Variants in STARD13 observed in about 807,000 individuals in gnomAD.
STARD13 encodes StAR related lipid transfer domain containing 13, also known as stAR-related lipid transfer protein 13.
STARD13 carries 62 observed loss-of-function variants against 106.4 expected under a neutral mutation model. The observed-to-expected ratio is 0.58, with a 90% CI of 0.48 to 0.72. The LOEUF (loss-of-function observed/expected upper bound fraction) is 0.72, where lower values mean the gene tolerates loss of function less well. STARD13 is among the 30% of genes least tolerant of loss of function. The pLI is 0.00. For synonymous variants in STARD13, 565 were observed against 553.0 expected, an observed-to-expected ratio of 1.02 and a Z score of -0.31; for missense variants, 1,387 against 1,424.0, an observed-to-expected ratio of 0.97 and a Z score of 0.42.
At chr13:33,411,222 C>T in the STARD13 span, among the ~76,000 whole-genome samples, 1 of 152,134 alleles carries the variant, frequency 6.6e-6, no homozygotes, top group Non-Finnish European at 1.5e-5. Flanking sequence ...GCAGAGTAAG[C>T]TCCTGTCAGG....
At chr13:33,278,923 G>A (rs1379712044) in intron 1 of STARD13, among the ~76,000 whole-genome samples, 1 of 151,956 alleles carries the variant, frequency 6.6e-6, no homozygotes, top group African/African-American at 2.4e-5. Flanking sequence ...AATCCTCTAG[G>A]TAATGAGGTG....
At position 33,110,862 on chromosome 13, in the gene STARD13, C is replaced by T. The variant is rs1287266491; in HGVS notation, c.2653G>A (p.Ala885Thr). Residue 885 changes from alanine to threonine, a missense_variant, in exon 11 of 14, where the codon GCT becomes ACT. Physicochemically the swap from Ala to Thr is moderately conservative, Grantham distance 58. Transcript: ENST00000336934. ...TCCAGGGTTGGCACGTGGATCTCAG[C>T]CTCCACATACGAGTTACGAGACTGG... ...VAQSRNSYVEAEIHVPTLEEL... is the reference protein window; with the variant it reads ...VAQSRNSYVETEIHVPTLEEL... 6.2e-7 allele frequency: 1 copy of T among 1,613,744 alleles called. No homozygotes were observed. The highest frequency in any genetic ancestry group is 8.5e-7 in the Non-Finnish European group (1 of 1,180,040).
At chr13:33,371,013 A>C in the STARD13 span, among the ~76,000 whole-genome samples, 1 of 152,180 alleles carries the variant, frequency 6.6e-6, no homozygotes, top group African/African-American at 2.4e-5. Flanking sequence ...AGATCAATTC[A>C]CTTCATCTCT....
At chr13:33,368,034 CCTCTTT>C in the STARD13 span, among the ~76,000 whole-genome samples, 9 of 152,014 alleles carry the variant, frequency 5.9e-5, no homozygotes, top group Admixed American at 1.3e-4. Flanking sequence ...GGGTTTCCTT[CCTCTTT>C]CTCTTTCTTA....
At chr13:33,559,120 C>T in the STARD13 span, among the ~76,000 whole-genome samples, 13 of 151,744 alleles carry the variant, frequency 8.6e-5, no homozygotes, top group South Asian at 8.3e-4. Context: ...AAAGACTGTT[C>T]GGTTTCTTCC....
At chr13:33,651,795 CT>C in the STARD13 span, among the ~76,000 whole-genome samples, 1 of 152,216 alleles carries the variant, frequency 6.6e-6, no homozygotes, top group African/African-American at 2.4e-5. Context: ...CTCTAGGAGT[CT>C]GAAGCACTCT....
intron 1 of STARD13, among the ~76,000 whole-genome samples, chr13:33,206,965 G>A (rs1887452818): frequency 6.6e-6 from 1 of 152,162 alleles, no homozygotes; most frequent in Admixed American, 6.5e-5. Context: ...AGTATGCTCT[G>A]GAGACCTCAC....
At chr13:33,163,661 AT>A (rs1882961690) in intron 3 of STARD13, among the ~76,000 whole-genome samples, 1 of 103,040 alleles carries the variant, frequency 9.7e-6, no homozygotes, top group African/African-American at 6.1e-5. Context: ...TATAAAACAT[AT>A]ATATATAACA....
the STARD13 span, among the ~76,000 whole-genome samples, chr13:33,389,149 G>T: frequency 2.0e-5 from 3 of 151,712 alleles, no homozygotes; most frequent in African/African-American, 7.3e-5. Flanking sequence ...GTAGAGATGG[G>T]ATTTCACCAT....
the STARD13 span, among the ~76,000 whole-genome samples, chr13:33,385,220 T>TATGA: frequency 5.4e-5 from 5 of 93,022 alleles, no homozygotes; most frequent in African/African-American, 2.2e-4. Context: ...AGGTTCGGAA[T>TATGA]ATATATATAT....
chr13:33,414,684 A>C, the STARD13 span, among the ~76,000 whole-genome samples: 519 of 152,312 alleles, frequency 3.4e-3, 8 homozygotes, highest in African/African-American at 0.012. Context: ...AAAACAGAAC[A>C]GGAGGATCCT....
intron 1 of STARD13, among the ~76,000 whole-genome samples, chr13:33,216,503 A>G (rs1255787688): frequency 6.6e-6 from 1 of 152,138 alleles, no homozygotes; most frequent in Non-Finnish European, 1.5e-5. Flanking sequence ...TATAAGTGGG[A>G]GCTGAGCTAT....
At chr13:33,442,457 T>C in the STARD13 span, among the ~76,000 whole-genome samples, 2 of 152,178 alleles carry the variant, frequency 1.3e-5, no homozygotes, top group Non-Finnish European at 2.9e-5. Context: ...CCAGAGAGAA[T>C]ATTTGACAAA....
At chr13:33,330,070 G>T (rs1366993187) in intron 1 of STARD13, among the ~76,000 whole-genome samples, 24 of 152,168 alleles carry the variant, frequency 1.6e-4, no homozygotes, top group Admixed American at 1.6e-3. Flanking sequence ...TGACTATCGT[G>T]TAAAATGCTG....
the STARD13 span, among the ~76,000 whole-genome samples, chr13:33,383,179 TGG>T: frequency 6.6e-6 from 1 of 152,352 alleles, no homozygotes; most frequent in South Asian, 2.1e-4. Context: ...ACATGCCACA[TGG>T]GTAGCGTATG....
intron 1 of STARD13, among the ~76,000 whole-genome samples, chr13:33,274,261 G>A (rs751415481): frequency 7.2e-5 from 11 of 152,146 alleles, no homozygotes; most frequent in Middle Eastern, 3.2e-3. Context: ...TAAGATAAAA[G>A]TAGATCATAT....
the STARD13 span, among the ~76,000 whole-genome samples, chr13:33,369,514 T>C: frequency 4.6e-5 from 7 of 152,350 alleles, no homozygotes; most frequent in East Asian, 1.3e-3. Context: ...GATCCTTATT[T>C]GTCTGTCCTG....
the STARD13 span, among the ~76,000 whole-genome samples, chr13:33,611,794 C>T: frequency 1.3e-5 from 2 of 152,184 alleles, no homozygotes; most frequent in African/African-American, 2.4e-5. Context: ...GATCAGTGTC[C>T]TGCATTTTAG....
chr13:33,596,300 T>C, the STARD13 span, among the ~76,000 whole-genome samples: 4 of 152,202 alleles, frequency 2.6e-5, no homozygotes, highest in African/African-American at 9.6e-5. Flanking sequence ...TTTATCCTTA[T>C]AAAAAGTATT....
Sources: allele counts gnomAD v4.1 joint callset (sites outside exome capture counted in the v4.1 genomes callset), GRCh38; gene constraint gnomAD v4.1.1; transcripts MANE v1.5; gene names NCBI Gene and HGNC (gene_info 2026-07-23, HGNC 2026-07-21).